PPFIBP2: variants seen among roughly 807,000 people sequenced by gnomAD.
The protein encoded by PPFIBP2 is PPFIB scaffold protein 2.
A neutral mutation model predicts 118.3 loss-of-function variants in PPFIBP2; 118 were observed. The ratio of observed to expected loss-of-function variants is 1.00; its 90% CI spans 0.86 to 1.16. PPFIBP2 has a LOEUF of 1.16. Among genes scored for constraint, PPFIBP2 ranks in the 50% most tolerant of loss-of-function variants. The pLI is 0.00. For missense variants in PPFIBP2, 1,195 were observed against 1,073.1 expected (o/e 1.11, Z -1.59); for synonymous variants, 414 against 397.4 (o/e 1.04, Z -0.50).
At chr11:7,552,498 C>T (rs774735496) in intron 2 of PPFIBP2, among the ~76,000 whole-genome samples, 2 of 152,088 alleles carry the variant, frequency 1.3e-5, no homozygotes, top group African/African-American at 2.4e-5. Context: ...AGATTTAATA[C>T]GTGGTCTTCT....
At chr11:7,665,477 G>T in the PPFIBP2 span, 2 of 1,614,034 alleles carry the variant, frequency 1.2e-6, no homozygotes, top group Non-Finnish European at 1.7e-6. Context: ...GATGAGCGTG[G>T]ACTTCGCTGG....
chr11:7,557,535 A>G (rs1385844083), intron 2 of PPFIBP2, among the ~76,000 whole-genome samples: 2 of 136,706 alleles, frequency 1.5e-5, no homozygotes, highest in African/African-American at 2.8e-5. Context: ...TCTGTTGCCC[A>G]GGCTGGAGTA....
intron 4 of PPFIBP2, chr11:7,597,245 G>A: frequency 1.3e-6 from 2 of 1,530,718 alleles, no homozygotes; most frequent in South Asian, 1.2e-5. Context: ...TGTTCTGGAA[G>A]AGGAATAAGG....
intron 17 of PPFIBP2, among the ~76,000 whole-genome samples, chr11:7,644,729 C>T (rs371376321): frequency 6.6e-6 from 1 of 152,090 alleles, no homozygotes; most frequent in Admixed American, 6.5e-5. Flanking sequence ...AAAATTTTGC[C>T]TAAAAAAGGT....
At chr11:7,636,603 T>C (rs1051001896) in intron 14 of PPFIBP2, among the ~76,000 whole-genome samples, 3 of 152,156 alleles carry the variant, frequency 2.0e-5, no homozygotes, top group Non-Finnish European at 4.4e-5. Context: ...ACAGAGGTCA[T>C]TCGCAGGTGT....
At chr11:7,552,564 A>G (rs1199242479) in intron 2 of PPFIBP2, among the ~76,000 whole-genome samples, 1 of 152,188 alleles carries the variant, frequency 6.6e-6, no homozygotes, top group Non-Finnish European at 1.5e-5. Flanking sequence ...ACAGAGCTGT[A>G]GAGTAAACCT....
intron 3 of PPFIBP2, among the ~76,000 whole-genome samples, chr11:7,578,004 T>G (rs1172952556): frequency 6.6e-6 from 1 of 152,230 alleles, no homozygotes. Flanking sequence ...GCTGCCTTTT[T>G]AAATGCATTG....
At chr11:7,522,272 C>T (rs1213582409) in intron 1 of PPFIBP2, among the ~76,000 whole-genome samples, 1 of 152,032 alleles carries the variant, frequency 6.6e-6, no homozygotes, top group African/African-American at 2.4e-5. Flanking sequence ...AGAAAAGCGT[C>T]AAACTGGATA....
Position 7,560,487 on chromosome 11 carries a change from G to GT in PPFIBP2, c.65-5060dup, listed in dbSNP as rs200585214. Among the ~76,000 whole-genome samples the GT allele has an allele frequency of 3.8e-3, 579 of 152,158 alleles. 9 individuals carry two copies. The highest frequency in any genetic ancestry group is 7.4e-4 in the Non-Finnish European group (50 of 67,996). ...CATGTTACTGAGTCTTTAGATAATTGTTTTTTATACAGCTATATGAATCAT... is the reference window on the plus strand; with the variant it reads ...CATGTTACTGAGTCTTTAGATAATTGTTTTTTTATACAGCTATATGAATCAT... On this transcript the variant is annotated intron_variant, in intron 2 of 23. Transcript: ENST00000299492.
chr11:7,665,836 T>A, the PPFIBP2 span: 1 of 1,535,010 alleles, frequency 6.5e-7, no homozygotes, highest in South Asian at 1.2e-5. Flanking sequence ...CCGAGGTGTG[T>A]GAATCAGTAC....
chr11:7,577,346 T>TGTGTGC, intron 3 of PPFIBP2: 1 of 330,846 alleles, frequency 3.0e-6, no homozygotes, highest in Non-Finnish European at 6.0e-6. Flanking sequence ...TGTGTGTGTG[T>TGTGTGC]GTGTGTTTGT....
intron 1 of PPFIBP2, among the ~76,000 whole-genome samples, chr11:7,524,141 T>TGA (rs71280834): frequency 1.0e-4 from 15 of 150,704 alleles, no homozygotes; most frequent in South Asian, 6.3e-4. Context: ...TGTGTGTGTG[T>TGA]GAGAGAGAGA....
chr11:7,632,046 C>T (rs910288573), intron 11 of PPFIBP2, among the ~76,000 whole-genome samples: 6 of 152,200 alleles, frequency 3.9e-5, no homozygotes, highest in African/African-American at 9.6e-5. Flanking sequence ...AAGGTGGCTC[C>T]GCCTGTGATG....
chr11:7,655,443 C>G (rs746186673), downstream of PPFIBP2: 1 of 1,289,698 alleles, frequency 7.8e-7, no homozygotes. Flanking sequence ...ATGGCACCTT[C>G]GGAAGGTACC....
intron 3 of PPFIBP2, among the ~76,000 whole-genome samples, chr11:7,567,349 CATT>C (rs1564982234): frequency 6.6e-6 from 1 of 152,150 alleles, no homozygotes; most frequent in African/African-American, 2.4e-5. Flanking sequence ...AGGCAGTTGA[CATT>C]GTTGTTGGTT....
At chr11:7,526,992 T>C (rs1201793488) in intron 1 of PPFIBP2, among the ~76,000 whole-genome samples, 1 of 151,772 alleles carries the variant, frequency 6.6e-6, no homozygotes, top group Non-Finnish European at 1.5e-5. Context: ...AACCAGGGTA[T>C]GTGGTGTGAG....
At chr11:7,557,601 C>T (rs2134629014) in intron 2 of PPFIBP2, among the ~76,000 whole-genome samples, 1 of 151,276 alleles carries the variant, frequency 6.6e-6, no homozygotes, top group East Asian at 1.9e-4. Context: ...AAGCAATTCT[C>T]AGCCTCCTGA....
the PPFIBP2 span, among the ~76,000 whole-genome samples, chr11:7,664,282 G>A: frequency 6.6e-6 from 1 of 152,154 alleles, no homozygotes; most frequent in African/African-American, 2.4e-5. Flanking sequence ...AGGTATGCCG[G>A]AGAGGAAGGG....
chr11:7,564,644 G>A (rs889831833), intron 2 of PPFIBP2, among the ~76,000 whole-genome samples: 1 of 152,206 alleles, frequency 6.6e-6, no homozygotes, highest in African/African-American at 2.4e-5. Context: ...CTCTGCAGGT[G>A]TGTCTCCTCC....
Sources: allele counts gnomAD v4.1 joint callset (sites outside exome capture counted in the v4.1 genomes callset), GRCh38; gene constraint gnomAD v4.1.1; transcripts MANE v1.5; gene names NCBI Gene and HGNC (gene_info 2026-07-23, HGNC 2026-07-21).